The following RGL1 variants were observed in gnomAD, a reference collection of about 807,000 sequenced individuals.
RGL1 encodes the protein ral guanine nucleotide dissociation stimulator like 1, also known as ral guanine nucleotide dissociation stimulator-like 1.
RGL1 carries 24 observed loss-of-function variants against 95.2 expected under a neutral mutation model. The observed-to-expected ratio is 0.25, with a 90% CI of 0.18 to 0.35. The LOEUF is 0.35. Ranked by LOEUF, RGL1 falls within the 10% of genes least tolerant of loss-of-function variation. The pLI is 1.00. For synonymous variants in RGL1, 329 were observed against 344.9 expected (o/e 0.95, Z 0.51); for missense variants, 715 against 936.3 (o/e 0.76, Z 3.08).
chr1:183,889,362 G>T (rs1667287365), intron 8 of RGL1, among the ~76,000 whole-genome samples: 1 of 152,196 alleles, frequency 6.6e-6, no homozygotes, highest in African/African-American at 2.4e-5. Flanking sequence ...TAGTCAGGAA[G>T]TTAGGCTATA....
intron 2 of RGL1, among the ~76,000 whole-genome samples, chr1:183,763,624 G>T (rs1225127255): frequency 6.6e-6 from 1 of 152,174 alleles, no homozygotes; most frequent in African/African-American, 2.4e-5. Context: ...GGACTAAGAG[G>T]TTGGTCTCCA....
chr1:183,878,019 T>C (rs1354752981), intron 4 of RGL1, among the ~76,000 whole-genome samples: 2 of 152,138 alleles, frequency 1.3e-5, no homozygotes, highest in Admixed American at 1.3e-4. Flanking sequence ...ATAACTTAAA[T>C]ACCTGCCTTC....
intron 1 of RGL1, among the ~76,000 whole-genome samples, chr1:183,674,821 G>A (rs1393457956): frequency 6.6e-6 from 1 of 152,154 alleles, no homozygotes; most frequent in African/African-American, 2.4e-5. Flanking sequence ...TCTATCAATT[G>A]CATCCTTTAG....
At position 183,908,351 on chromosome 1, in the gene RGL1, G is replaced by A. The variant is rs151333173; in HGVS notation, c.1562+1250G>A. Among the ~76,000 whole-genome samples the A allele has an allele frequency of 2.8e-3, 430 of 152,246 alleles. 1 individual carries two copies. Among genetic ancestry groups the A allele is most frequent in the Non-Finnish European group, 3.2e-3 (217 of 68,016 alleles). On this transcript the variant is annotated intron_variant, in intron 14 of 17. Coordinates refer to ENST00000360851, the MANE Select transcript of RGL1 (RefSeq NM_001297671.3). ...GATAGCAAGGTCTCCCACCATCAGC[G>A]GCCACGCAGGCTGCTATCTGCCATC...
chr1:183,758,414 G>C (rs1031816964), intron 2 of RGL1, among the ~76,000 whole-genome samples: 1 of 152,048 alleles, frequency 6.6e-6, no homozygotes, highest in Middle Eastern at 3.2e-3. Context: ...AGCCAGGATG[G>C]TCTCGATCTC....
chr1:183,648,247 T>C, intron 1 of RGL1: 1 of 1,614,190 alleles, frequency 6.2e-7, no homozygotes, highest in Non-Finnish European at 8.5e-7. Flanking sequence ...GGCCATAAGC[T>C]GGCCAGGCTC....
At chr1:183,747,422 G>T (rs183312683) in intron 2 of RGL1, among the ~76,000 whole-genome samples, 1 of 152,086 alleles carries the variant, frequency 6.6e-6, no homozygotes, top group Admixed American at 6.5e-5. Context: ...TTTTTTGGCC[G>T]CATAAATGTC....
At chr1:183,660,755 A>T (rs1358569320) in intron 1 of RGL1, among the ~76,000 whole-genome samples, 1 of 151,982 alleles carries the variant, frequency 6.6e-6, no homozygotes, top group Non-Finnish European at 1.5e-5. Flanking sequence ...CAGAATATAC[A>T]TTTTTTTCAG....
chr1:183,754,801 G>A (rs1558189487), intron 2 of RGL1: 1 of 152,126 alleles, frequency 6.6e-6, no homozygotes, highest in Non-Finnish European at 1.5e-5. Flanking sequence ...ATTGAATTTT[G>A]GTGGGCAGTT....
intron 1 of RGL1, among the ~76,000 whole-genome samples, chr1:183,715,251 G>A (rs1417713939): frequency 1.3e-5 from 2 of 152,038 alleles, no homozygotes; most frequent in Non-Finnish European, 2.9e-5. Context: ...TTCTACATTT[G>A]ATCTTGTTTT....
At chr1:183,799,085 C>T (rs184544754) in intron 2 of RGL1, among the ~76,000 whole-genome samples, 70 of 151,526 alleles carry the variant, frequency 4.6e-4, no homozygotes, top group Non-Finnish European at 5.0e-4. Flanking sequence ...TGTATTTTTA[C>T]TACAGGCAGG....
At chr1:183,772,352 G>A (rs938062096) in intron 2 of RGL1, among the ~76,000 whole-genome samples, 3 of 152,212 alleles carry the variant, frequency 2.0e-5, no homozygotes, top group African/African-American at 7.2e-5. Context: ...AGAGGTTTGA[G>A]CAGCAGGACA....
At chr1:183,690,048 GC>G (rs1382171950) in intron 1 of RGL1, among the ~76,000 whole-genome samples, 1 of 152,148 alleles carries the variant, frequency 6.6e-6, no homozygotes, top group Non-Finnish European at 1.5e-5. Context: ...AGTTGAAGGA[GC>G]TTGGAAAGGC....
intron 2 of RGL1, among the ~76,000 whole-genome samples, chr1:183,785,359 T>C (rs955996610): frequency 6.6e-6 from 1 of 152,202 alleles, no homozygotes; most frequent in Non-Finnish European, 1.5e-5. Flanking sequence ...ATTTCTCCCC[T>C]TTTTCATGTG....
chr1:183,795,658 G>T (rs1660662884), intron 2 of RGL1, among the ~76,000 whole-genome samples: 1 of 152,238 alleles, frequency 6.6e-6, no homozygotes, highest in South Asian at 2.1e-4. Flanking sequence ...AAGGCTTTAG[G>T]CTTTTATACT....
chr1:183,691,208 G>A (rs1039682473), intron 1 of RGL1, among the ~76,000 whole-genome samples: 1 of 152,172 alleles, frequency 6.6e-6, no homozygotes, highest in African/African-American at 2.4e-5. Flanking sequence ...ACATGACTTG[G>A]TTATTTGCCA....
At chr1:183,744,873 G>A (rs189218553) in intron 2 of RGL1, among the ~76,000 whole-genome samples, 103 of 152,148 alleles carry the variant, frequency 6.8e-4, no homozygotes, top group Middle Eastern at 3.4e-3. Flanking sequence ...ACATATGCTA[G>A]AGTTTTTTCT....
intron 2 of RGL1, among the ~76,000 whole-genome samples, chr1:183,845,628 A>T (rs979649673): frequency 4.6e-5 from 7 of 152,146 alleles, no homozygotes; most frequent in Non-Finnish European, 1.0e-4. Context: ...CCAGAGCTTA[A>T]CCCAGTGGTG....
chr1:183,911,822 G>T (rs1034575407), intron 14 of RGL1, among the ~76,000 whole-genome samples: 1 of 152,226 alleles, frequency 6.6e-6, no homozygotes, highest in Non-Finnish European at 1.5e-5. Context: ...CTGTTAAAAT[G>T]TAGAGGACCA....
Sources: gnomAD v4.1 joint callset for allele counts (sites outside exome capture counted in the v4.1 genomes callset) on GRCh38, gnomAD v4.1.1 for gene constraint, MANE v1.5 for transcripts, NCBI Gene and HGNC (gene_info 2026-07-23, HGNC 2026-07-21) for gene names.